Variants in OSBP2 observed in about 807,000 individuals in gnomAD.
OSBP2 encodes oxysterol-binding protein 2.
In OSBP2, 66 loss-of-function variants were observed where a neutral mutation model predicts 96.0. The ratio of observed to expected loss-of-function variants is 0.69; its 90% CI spans 0.56 to 0.84. The LOEUF (loss-of-function observed/expected upper bound fraction) is 0.84. Ranked by LOEUF, OSBP2 falls within the 40% of genes least tolerant of loss-of-function variation. The pLI, the probability that OSBP2 is intolerant of heterozygous loss-of-function variation, is 0.00. For synonymous variants in OSBP2, 525 were observed against 520.9 expected (o/e 1.01, Z -0.11); for missense variants, 1,038 against 1,222.7 (o/e 0.85, Z 2.25).
chr22:30,761,903 C>T (rs2090208192), intron 2 of OSBP2, among the ~76,000 whole-genome samples: 1 of 152,192 alleles, frequency 6.6e-6, no homozygotes. Flanking sequence ...TAAAATGAAT[C>T]TTGATTTATA....
At chr22:30,864,087 C>T (rs2039281099) in intron 2 of OSBP2, among the ~76,000 whole-genome samples, 1 of 151,994 alleles carries the variant, frequency 6.6e-6, no homozygotes, top group African/African-American at 2.4e-5. Context: ...TCTCCTGCCT[C>T]AGCCTCTCGA....
intron 8 of OSBP2, among the ~76,000 whole-genome samples, chr22:30,892,578 G>A (rs1270326639): frequency 6.6e-6 from 1 of 152,110 alleles, no homozygotes; most frequent in African/African-American, 2.4e-5. Flanking sequence ...ACAGACAAGG[G>A]AGGCTTGGTG....
chr22:30,902,728 A>G, intron 12 of OSBP2: 1 of 480,836 alleles, frequency 2.1e-6, no homozygotes, highest in South Asian at 1.8e-5. Context: ...CAACTCTGCT[A>G]TCTTCAGGGG....
At chr22:30,901,915 T>TA (rs2040205247) in intron 12 of OSBP2, among the ~76,000 whole-genome samples, 1 of 151,892 alleles carries the variant, frequency 6.6e-6, no homozygotes. Context: ...ATTCTACTTG[T>TA]AAAAATATAC....
At chr22:30,743,017 A>T (rs2089959705) in intron 2 of OSBP2, among the ~76,000 whole-genome samples, 1 of 152,326 alleles carries the variant, frequency 6.6e-6, no homozygotes, top group East Asian at 1.9e-4. Flanking sequence ...AATGTTTCTG[A>T]TGGTTGAAAA....
intron 3 of OSBP2, among the ~76,000 whole-genome samples, chr22:30,876,851 T>G (rs1349110984): frequency 2.6e-5 from 4 of 152,124 alleles, no homozygotes; most frequent in Non-Finnish European, 5.9e-5. Context: ...GCCCATACCT[T>G]CCTGATTCCA....
chr22:30,732,297 T>C (rs911083480), intron 1 of OSBP2, among the ~76,000 whole-genome samples: 5 of 152,030 alleles, frequency 3.3e-5, no homozygotes, highest in Non-Finnish European at 7.4e-5. Context: ...AGAGTGAAAC[T>C]CTGTCTCAAA....
chr22:30,735,699 C>T (rs989294090), intron 1 of OSBP2, among the ~76,000 whole-genome samples: 3 of 151,718 alleles, frequency 2.0e-5, no homozygotes, highest in Non-Finnish European at 2.9e-5. Context: ...ATGGCTGAAG[C>T]GATTCTTCTT....
intron 2 of OSBP2, among the ~76,000 whole-genome samples, chr22:30,844,092 C>A (rs1443378591): frequency 1.3e-5 from 2 of 152,098 alleles, no homozygotes; most frequent in African/African-American, 4.8e-5. Context: ...CCAGGCTGGT[C>A]TCGAACTCCT....
At chr22:30,858,656 A>C (rs2039137448) in intron 2 of OSBP2, among the ~76,000 whole-genome samples, 1 of 151,114 alleles carries the variant, frequency 6.6e-6, no homozygotes, top group African/African-American at 2.4e-5. Flanking sequence ...AGGCGGGCAA[A>C]TCACCTGAGG....
intron 2 of OSBP2, among the ~76,000 whole-genome samples, chr22:30,838,470 C>T (rs747661744): frequency 1.3e-5 from 2 of 152,110 alleles, no homozygotes; most frequent in East Asian, 1.9e-4. Context: ...CTTTTTCTTA[C>T]GTTATTCCAT....
At chr22:30,777,329 G>C (rs2090450941) in intron 2 of OSBP2, among the ~76,000 whole-genome samples, 1 of 152,026 alleles carries the variant, frequency 6.6e-6, no homozygotes, top group Non-Finnish European at 1.5e-5. Context: ...CATGGGAACG[G>C]GTCTTTCCTG....
chr22:30,880,700 C>T (rs1448405902), intron 3 of OSBP2, among the ~76,000 whole-genome samples: 1 of 152,170 alleles, frequency 6.6e-6, no homozygotes, highest in Non-Finnish European at 1.5e-5. Context: ...CTTGCTCTCC[C>T]GCCTGGCCTG....
At chr22:30,898,987 A>G (rs768418833) in intron 12 of OSBP2, among the ~76,000 whole-genome samples, 5 of 152,032 alleles carry the variant, frequency 3.3e-5, no homozygotes, top group Non-Finnish European at 7.4e-5. Flanking sequence ...TGATCAAGAT[A>G]GAAATAAATA....
At chr22:30,790,796 A>G (rs1438694710) in intron 2 of OSBP2, among the ~76,000 whole-genome samples, 1 of 152,152 alleles carries the variant, frequency 6.6e-6, no homozygotes, top group East Asian at 1.9e-4. Flanking sequence ...CAATTTAAAA[A>G]TCCGTTAAGG....
At chr22:30,750,797 T>G (rs903598904) in intron 2 of OSBP2, among the ~76,000 whole-genome samples, 33 of 152,250 alleles carry the variant, frequency 2.2e-4, no homozygotes, top group Non-Finnish European at 4.4e-4. Flanking sequence ...CAGGCTAGAG[T>G]GCAGTGGCAC....
chr22:30,721,464 G>A (rs1315700477), intron 1 of OSBP2, among the ~76,000 whole-genome samples: 1 of 152,240 alleles, frequency 6.6e-6, no homozygotes, highest in Non-Finnish European at 1.5e-5. Context: ...TGAAGGACGA[G>A]TGTGCAGAGC....
At chr22:30,740,750 T>C (rs2089927292) in intron 1 of OSBP2, among the ~76,000 whole-genome samples, 1 of 152,158 alleles carries the variant, frequency 6.6e-6, no homozygotes, top group African/African-American at 2.4e-5. Context: ...GTGCTGAGAT[T>C]ACAGGTGTGA....
At chr22:30,850,391 A>G (rs1403029139) in intron 2 of OSBP2, among the ~76,000 whole-genome samples, 1 of 151,920 alleles carries the variant, frequency 6.6e-6, no homozygotes, top group Non-Finnish European at 1.5e-5. Context: ...GTCCATACTT[A>G]CGCCAATACT....
Sources: allele counts gnomAD v4.1 joint callset (sites outside exome capture counted in the v4.1 genomes callset), GRCh38; gene constraint gnomAD v4.1.1; transcripts MANE v1.5; gene names NCBI Gene and HGNC (gene_info 2026-07-23, HGNC 2026-07-21).